EXOSC7: variants seen among roughly 807,000 people sequenced by gnomAD.
The protein encoded by EXOSC7 is exosome component 7, also known as exosome complex component RRP42.
EXOSC7 carries 25 observed loss-of-function variants against 34.3 expected under a neutral mutation model. That is an observed-to-expected ratio of 0.73 (90% confidence interval 0.53 to 1.02). The LOEUF is 1.02. Among genes scored for constraint, EXOSC7 ranks in the 50% least tolerant of loss-of-function variants. The pLI, the probability that EXOSC7 is intolerant of heterozygous loss-of-function variation, is 0.00. For missense variants in EXOSC7, 370 were observed against 368.5 expected (o/e 1.00, Z -0.03); for synonymous variants, 130 against 143.0 (o/e 0.91, Z 0.65).
intron 3 of EXOSC7, among the ~76,000 whole-genome samples, chr3:44,991,037 G>T (rs1195117769): frequency 1.3e-5 from 2 of 152,194 alleles, no homozygotes; most frequent in Non-Finnish European, 2.9e-5. Context: ...AATGACAAAT[G>T]AGTTCAGAGA....
chr3:44,976,643 C>G (rs1031173589), intron 1 of EXOSC7, among the ~76,000 whole-genome samples: 1 of 152,208 alleles, frequency 6.6e-6, no homozygotes, highest in African/African-American at 2.4e-5. Flanking sequence ...TCGGCGTTCG[C>G]GCACAGATCT....
intron 3 of EXOSC7, among the ~76,000 whole-genome samples, chr3:44,994,863 GT>G (rs1706676306): frequency 5.9e-5 from 2 of 33,674 alleles, no homozygotes; most frequent in Non-Finnish European, 1.1e-4. Flanking sequence ...ATGGGTGTGT[GT>G]GTGTGTGTGT....
rs1273984085 is a variant in EXOSC7 at position 44,983,810 on chromosome 3, C to G, written c.58-5330C>G. 3.3e-5 allele frequency among the ~76,000 whole-genome samples: 5 copies of G among 152,202 alleles called. No individual in the cohort carries two copies. The East Asian group carries it at 9.7e-4, about 29-fold the overall frequency. Reference sequence around the variant, plus strand: ...CTGTGGTAGGGCACCAGGCCCTGAGCTAGGCCAGGCAGGTTTGGACAATTT... The same window carrying G: ...CTGTGGTAGGGCACCAGGCCCTGAGGTAGGCCAGGCAGGTTTGGACAATTT... On this transcript the variant is annotated intron_variant, in intron 1 of 7. Coordinates refer to ENST00000265564, the MANE Select transcript of EXOSC7 (RefSeq NM_015004.4).
At chr3:45,002,695 TAG>T (rs1310428890) in intron 5 of EXOSC7, among the ~76,000 whole-genome samples, 1 of 152,252 alleles carries the variant, frequency 6.6e-6, no homozygotes, top group African/African-American at 2.4e-5. Context: ...ACCTGTTTTT[TAG>T]AGCTTTTCTA....
intron 3 of EXOSC7, among the ~76,000 whole-genome samples, chr3:44,994,929 A>G (rs1366162161): frequency 1.3e-5 from 2 of 151,056 alleles, no homozygotes; most frequent in Non-Finnish European, 2.9e-5. Context: ...AAAAATAGGT[A>G]AAAATTTCCA....
intron 1 of EXOSC7, among the ~76,000 whole-genome samples, chr3:44,978,351 A>T (rs1416216889): frequency 6.6e-6 from 1 of 152,174 alleles, no homozygotes; most frequent in East Asian, 1.9e-4. Context: ...TAATGCTCTG[A>T]AGGCTTCCCT....
intron 1 of EXOSC7, among the ~76,000 whole-genome samples, chr3:44,980,754 C>A (rs1227065382): frequency 6.6e-6 from 1 of 152,210 alleles, no homozygotes; most frequent in Non-Finnish European, 1.5e-5. Flanking sequence ...CCCAGTTTTT[C>A]TAGAGCTTAA....
At chr3:45,005,953 A>T (rs1465526795) in intron 6 of EXOSC7, among the ~76,000 whole-genome samples, 2 of 151,590 alleles carry the variant, frequency 1.3e-5, no homozygotes, top group East Asian at 3.9e-4. Context: ...TCCACTCAGG[A>T]TTCATTATCT....
In EXOSC7 at chr3:45,007,435, G is replaced by A; in HGVS notation, c.631G>A (p.Val211Met). 1.2e-6 allele frequency: 2 copies of A among 1,614,210 alleles called. No homozygotes were observed. Among genetic ancestry groups the A allele is most frequent in the African/African-American group, 1.3e-5 (1 of 75,072 alleles). The change falls in exon 7 of 8, where the codon GTG (valine) becomes ATG (methionine). Residue 211 changes from valine (V) to methionine (M), a missense_variant. Val to Met is a conservative substitution (Grantham distance 21). Coordinates refer to ENST00000265564, the MANE Select transcript of EXOSC7 (RefSeq NM_015004.4). Reference sequence around the variant, plus strand: ...GCCTTTGCAGATTGGCTATCGGCATGTGGTGGATGCTACTCTTCAGGAGGA... The same window carrying A: ...GCCTTTGCAGATTGGCTATCGGCATATGGTGGATGCTACTCTTCAGGAGGA... ...VTLCKIGYRH[V>M]VDATLQEEAC...
chr3:45,006,766 A>G (rs2125973568), intron 6 of EXOSC7, among the ~76,000 whole-genome samples: 2 of 151,598 alleles, frequency 1.3e-5, no homozygotes, highest in South Asian at 2.1e-4. Flanking sequence ...GCAGTAGCAC[A>G]ATCTAGGCTC....
intron 3 of EXOSC7, 87 bp from the exon 4 acceptor site, chr3:44,997,000 C>A: frequency 7.2e-7 from 1 of 1,392,170 alleles, no homozygotes; most frequent in South Asian, 1.3e-5. Flanking sequence ...TTCCAGCATT[C>A]TACAGGGAAA....
intron 1 of EXOSC7, among the ~76,000 whole-genome samples, chr3:44,980,514 G>A (rs1320823927): frequency 6.6e-6 from 1 of 151,102 alleles, no homozygotes; most frequent in Non-Finnish European, 1.5e-5. Flanking sequence ...ATTGAGTGGT[G>A]GCACTGGGAT....
intron 3 of EXOSC7, among the ~76,000 whole-genome samples, chr3:44,994,263 GA>G (rs199605408): frequency 0.24 from 35,643 of 146,328 alleles, 5,980 homozygotes; most frequent in East Asian, 0.76. Context: ...AAAAAAAAAA[GA>G]TAAGGTCTCC....
At chr3:44,995,868 G>T (rs1706707441) in intron 3 of EXOSC7, among the ~76,000 whole-genome samples, 1 of 152,130 alleles carries the variant, frequency 6.6e-6, no homozygotes, top group Non-Finnish European at 1.5e-5. Context: ...ACACAAATAG[G>T]GTGGGCACTG....
intron 5 of EXOSC7, 102 bp downstream of exon 5, chr3:45,001,710 T>G (rs1203025556): frequency 6.1e-6 from 5 of 823,692 alleles, no homozygotes; most frequent in Non-Finnish European, 1.0e-5. Flanking sequence ...TATGTGAAGA[T>G]AACAGGGGGT....
At chr3:44,993,593 G>A (rs149638001) in intron 3 of EXOSC7, among the ~76,000 whole-genome samples, 32 of 152,170 alleles carry the variant, frequency 2.1e-4, no homozygotes, top group Admixed American at 1.8e-3. Flanking sequence ...GGAGAGCTGG[G>A]AGGGGTAGCA....
At chr3:45,001,874 A>G (rs1013892104) in intron 5 of EXOSC7, 9 of 397,596 alleles carry the variant, frequency 2.3e-5, no homozygotes, top group Non-Finnish European at 3.6e-5. Context: ...TTAGAAAACT[A>G]CAGAGAAGCC....
intron 3 of EXOSC7, among the ~76,000 whole-genome samples, chr3:44,993,573 C>A (rs749869822): frequency 1.3e-5 from 2 of 151,908 alleles, no homozygotes; most frequent in Non-Finnish European, 2.9e-5. Context: ...GGTGATGAGT[C>A]AGAAGGGGTG....
intron 6 of EXOSC7, among the ~76,000 whole-genome samples, chr3:45,006,396 GTTTA>G (rs1707042197): frequency 8.1e-6 from 1 of 123,496 alleles, no homozygotes; most frequent in Non-Finnish European, 1.7e-5. Context: ...CTTTCTTGTT[GTTTA>G]TTTGTTTTTT....
Sources: gnomAD v4.1 joint callset for allele counts (sites outside exome capture counted in the v4.1 genomes callset) on GRCh38, gnomAD v4.1.1 for gene constraint, MANE v1.5 for transcripts, NCBI Gene and HGNC (gene_info 2026-07-23, HGNC 2026-07-21) for gene names.